Variants in CALR3 observed in about 807,000 individuals in gnomAD.
CALR3 encodes calreticulin-3.
A neutral mutation model predicts 48.7 loss-of-function variants in CALR3; 39 were observed. The ratio of observed to expected loss-of-function variants is 0.80; its 90% CI spans 0.62 to 1.05. CALR3 has a LOEUF of 1.05. Among genes scored for constraint, CALR3 ranks in the 50% least tolerant of loss-of-function variants. The pLI is 0.00. For missense variants in CALR3, 449 were observed against 474.7 expected (o/e 0.95, Z 0.50); for synonymous variants, 185 against 172.7 (o/e 1.07, Z -0.56).
intron 3 of CALR3, among the ~76,000 whole-genome samples, chr19:16,487,104 C>T (rs1301653941): frequency 6.6e-6 from 1 of 152,038 alleles, no homozygotes; most frequent in Non-Finnish European, 1.5e-5. Context: ...CTCCTCGGCT[C>T]GGGGGATTCC....
chr19:16,484,674 CA>C (rs2093386450), intron 4 of CALR3, among the ~76,000 whole-genome samples: 1 of 151,902 alleles, frequency 6.6e-6, no homozygotes, highest in South Asian at 2.1e-4. Flanking sequence ...CCTGGCACTA[CA>C]CCTGGCTAAT....
At chr19:16,479,301 C>T (rs777073219) in intron 8 of CALR3, 27 bp from the exon 9 acceptor site, 1 of 1,613,326 alleles carries the variant, frequency 6.2e-7, no homozygotes, top group East Asian at 2.2e-5. Context: ...AAAACATAAG[C>T]CCCACCGGGT....
chr19:16,482,706 G>T lies in CALR3; in HGVS notation c.758C>A (p.Ala253Glu). 1 of 1,614,040 alleles carries T rather than the reference G, an allele frequency of 6.2e-7. No homozygotes were observed. Among genetic ancestry groups the T allele is most frequent in the Non-Finnish European group, 8.5e-7 (1 of 1,179,982 alleles). Residue 253 changes from alanine to glutamate, a missense_variant, in exon 6 of 9, where the codon GCG becomes GAG. Coordinates refer to ENST00000269881, the MANE Select transcript of CALR3 (RefSeq NM_145046.5). Reference protein sequence around the residue: ...WNGDLDGDWPAPMLQKPPYQD... With the variant: ...WNGDLDGDWPEPMLQKPPYQD... ...GTACGGGGGCTTCTGGAGCATCGGC[G>T]CTGGCCAGTCCCCATCCAGGTCACC...
At chr19:16,487,096 CCTCGGCT>C (rs1242592294) in intron 3 of CALR3, among the ~76,000 whole-genome samples, 3 of 152,024 alleles carry the variant, frequency 2.0e-5, no homozygotes, top group Admixed American at 6.6e-5. Context: ...TCCTCAAACT[CCTCGGCT>C]CGGGGGATTC....
At chr19:16,488,989 C>G (rs1217338211) in intron 3 of CALR3, among the ~76,000 whole-genome samples, 1 of 152,210 alleles carries the variant, frequency 6.6e-6, no homozygotes, top group African/African-American at 2.4e-5. Context: ...CAGAGTGAGG[C>G]TGCATTCCAG....
Position 16,482,728 on chromosome 19 carries a change from C to T in CALR3, c.736G>A (p.Asp246Asn). 1 of 1,614,010 alleles carries T rather than the reference C, an allele frequency of 6.2e-7. No individual in the cohort carries two copies. The highest frequency in any genetic ancestry group is 2.2e-5 in the East Asian group (1 of 44,878). The change falls in exon 6 of 9, where the codon GAC becomes AAC. Residue 246 changes from aspartate to asparagine, a missense_variant. Physicochemically the swap from Asp to Asn is conservative, Grantham distance 23. Coordinates refer to ENST00000269881, the MANE Select transcript of CALR3 (RefSeq NM_145046.5). ...GGCGCTGGCCAGTCCCCATCCAGGTCACCGTTCCAGTCGCTCTGCTTGCTG... is the reference window on the plus strand; with the variant it reads ...GGCGCTGGCCAGTCCCCATCCAGGTTACCGTTCCAGTCGCTCTGCTTGCTG... ...STSKQSDWNGDLDGDWPAPML... is the reference protein window; with the variant it reads ...STSKQSDWNGNLDGDWPAPML...
In CALR3 at chr19:16,496,095, C is replaced by T. The variant is rs1271345238; in HGVS notation, c.35G>A (p.Cys12Tyr). The T allele has an allele frequency of 1.9e-6, 3 of 1,607,022 alleles. No individual in the cohort carries two copies. The highest frequency in any genetic ancestry group is 2.5e-6 in the Non-Finnish European group (3 of 1,176,900). The change falls in exon 1 of 9, where the codon TGC (cysteine) becomes TAC (tyrosine). Residue 12 changes from cysteine (C) to tyrosine (Y), a missense_variant. By Grantham distance (194) the Cys-to-Tyr change is radical. Transcript: ENST00000269881. The part of the protein sequence containing the change: ...ARALVQLWAI[C>Y]MLRVALATVY... ...GGTAGCCAGCGCCACTCGCAGCATG[C>T]ATATGGCCCAGAGCTGGACCAAAGC... is the stretch of plus-strand genomic sequence containing the variant.
chr19:16,482,896 G>C (rs1208306418), intron 5 of CALR3, 111 bp from the exon 6 acceptor site: 2 of 982,006 alleles, frequency 2.0e-6, no homozygotes, highest in African/African-American at 3.2e-5. Context: ...CCAGGCTGGA[G>C]TGCGGTTGTG....
At chr19:16,493,598 G>C (rs1001446268) in intron 2 of CALR3, among the ~76,000 whole-genome samples, 1 of 146,128 alleles carries the variant, frequency 6.8e-6, no homozygotes, top group African/African-American at 2.5e-5. Flanking sequence ...TGCCCAGGCT[G>C]GAGTGTAGTG....
At chr19:16,491,717 C>T (rs1443800032) in intron 2 of CALR3, among the ~76,000 whole-genome samples, 2 of 145,506 alleles carry the variant, frequency 1.4e-5, no homozygotes, top group East Asian at 4.9e-4. Flanking sequence ...GCGGAGGTTG[C>T]AGTGAGCCGA....
intron 3 of CALR3, 114 bp from the exon 4 acceptor site, chr19:16,485,371 C>T: frequency 2.8e-6 from 2 of 714,586 alleles, no homozygotes; most frequent in South Asian, 1.5e-5. Flanking sequence ...GTCACCCAGG[C>T]TGGAGTGCAG....
chr19:16,484,014 G>A lies in CALR3; in HGVS notation c.594C>T (p.Tyr198=), dbSNP rs145046810. 3.7e-5 allele frequency: 60 copies of A among 1,613,912 alleles called. No individual in the cohort carries two copies. In the East Asian group the frequency reaches 7.1e-4, roughly 19 times the overall value. ...GQSIESGSIE[Y]DWNLTSLKKE... ...TCTTGAGTGATGTTAAGTTCCAGTC[G>A]TACTCTATGCTGCCGGATTCAATTG... The change falls in exon 5 of 9, where the codon TAC becomes TAT. Residue 198 remains tyrosine (Y), a synonymous_variant. Coordinates refer to ENST00000269881, the MANE Select transcript of CALR3 (RefSeq NM_145046.5).
At chr19:16,483,373 G>A (rs1345954299) in intron 5 of CALR3, among the ~76,000 whole-genome samples, 1 of 152,168 alleles carries the variant, frequency 6.6e-6, no homozygotes, top group Non-Finnish European at 1.5e-5. Context: ...GAGAGGAGCA[G>A]CGGTGTGGAA....
In CALR3 at chr19:16,482,779, C is replaced by G. The variant is rs1371905502; in HGVS notation, c.685G>C (p.Glu229Gln). The G allele has an allele frequency of 2.5e-6, 4 of 1,612,816 alleles. No individual in the cohort carries two copies. Among genetic ancestry groups the G allele is most frequent in the South Asian group, 1.1e-5 (1 of 91,006 alleles). The change falls in exon 6 of 9, where the codon GAG becomes CAG. Residue 229 changes from glutamate to glutamine, a missense_variant. Coordinates refer to ENST00000269881, the MANE Select transcript of CALR3 (RefSeq NM_145046.5). ...QTKDNKAQDW[E>Q]KHFLDASTSK... ...GTGCTGGCGTCCAGAAAATGCTTCTCCCAGTCCTTCAAAGACATGTAAGGA... is the reference window on the plus strand; with the variant it reads ...GTGCTGGCGTCCAGAAAATGCTTCTGCCAGTCCTTCAAAGACATGTAAGGA...
At chr19:16,480,817 T>C in intron 7 of CALR3, 111 bp from the exon 8 acceptor site, 1 of 875,440 alleles carries the variant, frequency 1.1e-6, no homozygotes, top group Non-Finnish European at 1.8e-6. Flanking sequence ...ACATTTTTTA[T>C]TTTTTAGAGA....
chr19:16,489,681 T>C (rs2093394814), intron 3 of CALR3, among the ~76,000 whole-genome samples: 1 of 149,948 alleles, frequency 6.7e-6, no homozygotes, highest in African/African-American at 2.5e-5. Flanking sequence ...TGGTGGCACA[T>C]GCCTGTAATC....
intron 3 of CALR3, among the ~76,000 whole-genome samples, chr19:16,486,188 T>C (rs921035858): frequency 5.9e-5 from 9 of 151,268 alleles, no homozygotes; most frequent in African/African-American, 2.2e-4. Flanking sequence ...TGGTGGCGTG[T>C]CCCTGTAGTC....
chr19:16,488,336 G>T (rs1236776498), intron 3 of CALR3, among the ~76,000 whole-genome samples: 1 of 152,142 alleles, frequency 6.6e-6, no homozygotes, highest in African/African-American at 2.4e-5. Context: ...CTCCTGCCTG[G>T]CCTCCCAAAA....
intron 5 of CALR3, chr19:16,483,721 AAAAT>A: frequency 3.5e-6 from 2 of 568,658 alleles, no homozygotes; most frequent in South Asian, 2.2e-5. Context: ...TCTGTCTCAA[AAAAT>A]AAATAAATAA....
Sources: gnomAD v4.1 joint callset for allele counts (sites outside exome capture counted in the v4.1 genomes callset) on GRCh38, gnomAD v4.1.1 for gene constraint, MANE v1.5 for transcripts, NCBI Gene and HGNC (gene_info 2026-07-23, HGNC 2026-07-21) for gene names.